Variants in TSPAN3 observed in about 807,000 individuals in gnomAD.
The protein encoded by TSPAN3 is tetraspanin 3.
In TSPAN3, 9 loss-of-function variants were observed where a neutral mutation model predicts 31.1. That is an observed-to-expected ratio of 0.29 (90% CI 0.17 to 0.50). The LOEUF (loss-of-function observed/expected upper bound fraction) is 0.50. TSPAN3 is among the 20% of genes least tolerant of loss of function. The pLI, the probability that TSPAN3 is intolerant of heterozygous loss-of-function variation, is 0.98. For missense variants in TSPAN3, 252 were observed against 313.5 expected (o/e 0.80, Z 1.48); for synonymous variants, 129 against 114.3 (o/e 1.13, Z -0.82).
At chr15:77,059,076 T>C (rs1326435425) in intron 1 of TSPAN3, among the ~76,000 whole-genome samples, 1 of 151,468 alleles carries the variant, frequency 6.6e-6, no homozygotes, top group Non-Finnish European at 1.5e-5. Flanking sequence ...TTTATCTTAA[T>C]TTTATTTTAT....
intron 4 of TSPAN3, among the ~76,000 whole-genome samples, chr15:77,053,229 C>G (rs897743298): frequency 6.6e-6 from 1 of 151,924 alleles, no homozygotes; most frequent in Non-Finnish European, 1.5e-5. Context: ...GGTGCAGTGG[C>G]TCACGCCTGT....
rs936436996 is a variant in TSPAN3, at chr15:77,043,232, CTCT to C, written c.*3600_*3602del. On this transcript the variant is annotated 3_prime_UTR_variant, in exon 7 of 7. Transcript: ENST00000267970. ...AGGTCTCTCCACCTTGGGGAACCTC[CTCT>C]GAGTTTCCACGTTCCTTCTCTGTTT... 30 of 152,416 alleles carry C rather than the reference CTCT, an allele frequency of 2.0e-4. No individual in the cohort carries two copies. The highest frequency in any genetic ancestry group is 6.7e-4 in the African/African-American group (28 of 41,556). The allele number at this position is 152,416 out of a possible 1,614,324, so 9.4% of individuals were successfully genotyped here.
rs187185084 is a variant in TSPAN3 at position 77,056,361 on chromosome 15, A to G, written c.64-106T>C. On this transcript the variant is annotated intron_variant, in intron 1 of 6. Coordinates refer to ENST00000267970, the MANE Select transcript of TSPAN3 (RefSeq NM_005724.6). ...ATGAGAGTTACCGTAACTGTTATAG[A>G]CTTTTTTCAGTAAAGCTGAAAATTC... The G allele has an allele frequency of 3.4e-5, 29 of 850,572 alleles. 1 individual carries two copies. In the East Asian group the frequency reaches 7.3e-4, roughly 21 times the overall value. 52.7% of individuals were successfully genotyped at this position (850,572 alleles called of 1,614,324 possible).
chr15:77,070,958 G>T lies in TSPAN3; in HGVS notation c.-4C>A. 7.0e-7 allele frequency: 1 copy of T among 1,430,936 alleles called. No homozygotes were observed. Among genetic ancestry groups the T allele is most frequent in the Non-Finnish European group, 9.2e-7 (1 of 1,084,942 alleles). 88.6% of individuals were successfully genotyped at this position (1,430,936 alleles called of 1,614,324 possible). On this transcript the variant is annotated 5_prime_UTR_variant, in exon 1 of 7. Transcript: ENST00000267970. ...AGGTGATGCCGCACTGGCCCATGGC[G>T]CCGGTGGCCCGCGAAGGCCCGGCCC...
rs1179391527 is a variant in TSPAN3 at position 77,051,538 on chromosome 15, A to AAAAAG, written c.669+842_669+846dup. On this transcript the variant is annotated intron_variant, in intron 6 of 6. Transcript: ENST00000267970. The stretch of plus-strand genomic sequence containing the variant: ...AGCAAAACTCTGTCGTAAAAAAAAA[A>AAAAAG]AAAAGAAAAGAAAAGAAAAGAAAGC... Among the ~76,000 whole-genome samples, 590 of 151,472 alleles carry AAAAAG rather than the reference A, an allele frequency of 3.9e-3. 6 individuals are homozygous for AAAAAG. The highest frequency in any genetic ancestry group is 6.4e-3 in the East Asian group (33 of 5,162).
chr15:77,060,690 G>A (rs1007998826), intron 1 of TSPAN3, among the ~76,000 whole-genome samples: 8 of 152,070 alleles, frequency 5.3e-5, no homozygotes, highest in Non-Finnish European at 1.0e-4. Flanking sequence ...CAATAAAGCA[G>A]CTGCAAAGGA....
chr15:77,045,798 G>A lies in TSPAN3; in HGVS notation c.*1037C>T, dbSNP rs2076687114. The A allele has an allele frequency of 6.6e-6, 1 of 152,200 alleles. No homozygotes were observed. Among genetic ancestry groups the A allele is most frequent in the South Asian group, 2.1e-4 (1 of 4,832 alleles). 9.4% of individuals were successfully genotyped at this position (152,200 alleles called of 1,614,324 possible). A position where few individuals can be genotyped will look rare whatever the true frequency, so the allele number is the denominator to read the frequency against. On this transcript the variant is annotated 3_prime_UTR_variant, in exon 7 of 7. Transcript: ENST00000267970. The stretch of plus-strand genomic sequence containing the variant: ...TCCGAACTCCTTGAAGACAAGGACA[G>A]TATCGCCACTGTATCCCCAGTGCAT...
intron 6 of TSPAN3, 116 bp downstream of exon 6, chr15:77,052,269 C>T: frequency 1.2e-6 from 1 of 854,114 alleles, no homozygotes; most frequent in Non-Finnish European, 1.9e-6. Context: ...GTACCTCAGT[C>T]ACTTCCACAT....
At chr15:77,066,070 A>C (rs1216309637) in intron 1 of TSPAN3, among the ~76,000 whole-genome samples, 1 of 152,220 alleles carries the variant, frequency 6.6e-6, no homozygotes, top group Non-Finnish European at 1.5e-5. Flanking sequence ...TAGGGTTTAA[A>C]AAAAAAGTAA....
At chr15:77,070,110 TGATGA>T (rs1403527686) in intron 1 of TSPAN3, 3 of 152,220 alleles carry the variant, frequency 2.0e-5, no homozygotes, top group African/African-American at 7.2e-5. Context: ...TAAAAGTCCC[TGATGA>T]GATAAGGACC....
In TSPAN3 at chr15:77,052,366, C is replaced by T; in HGVS notation, c.669+19G>A. 1 of 1,612,728 alleles carries T rather than the reference C, an allele frequency of 6.2e-7. No individual in the cohort carries two copies. Among genetic ancestry groups the T allele is most frequent in the South Asian group, 1.1e-5 (1 of 91,034 alleles). ...GAACCAACTCACTCCGATAGAACTC[C>T]TTGGCAAGCTGTGCTTACCTGAATA... On this transcript the variant is annotated intron_variant, in intron 6 of 6. Transcript: ENST00000267970.
rs930805285 is a variant in TSPAN3 at position 77,044,356 on chromosome 15, G to C, written c.*2479C>G. The C allele has an allele frequency of 6.6e-6, 1 of 152,270 alleles. No individual in the cohort carries two copies. The highest frequency in any genetic ancestry group is 2.4e-5 in the African/African-American group (1 of 41,462). 9.4% of individuals were successfully genotyped at this position (152,270 alleles called of 1,614,324 possible). On this transcript the variant is annotated 3_prime_UTR_variant, in exon 7 of 7. Transcript: ENST00000267970. ...CAACACCTAGCCTCAGCTACACGGG[G>C]GAAGGGCAGAAACAAGATGTTGAAT...
At chr15:77,068,244 C>T (rs2076845728) in intron 1 of TSPAN3, 1 of 152,176 alleles carries the variant, frequency 6.6e-6, no homozygotes, top group South Asian at 2.1e-4. Flanking sequence ...TCACAGCTCA[C>T]AAAAACTTTA....
intron 6 of TSPAN3, among the ~76,000 whole-genome samples, chr15:77,050,418 A>G (rs1782902289): frequency 6.6e-6 from 1 of 152,216 alleles, no homozygotes; most frequent in Non-Finnish European, 1.5e-5. Flanking sequence ...TAAGTATAAA[A>G]CACATATGGC....
intron 3 of TSPAN3, 38 bp from the exon 4 acceptor site, chr15:77,054,317 T>G: frequency 7.2e-7 from 1 of 1,396,284 alleles, no homozygotes; most frequent in Non-Finnish European, 1.0e-6. Flanking sequence ...TCAAAAATAC[T>G]AGTAAAAGTA....
intron 6 of TSPAN3, among the ~76,000 whole-genome samples, chr15:77,048,998 TTCATAG>T (rs779556230): frequency 6.6e-6 from 1 of 152,168 alleles, no homozygotes; most frequent in Non-Finnish European, 1.5e-5. Context: ...ATACTGTAAT[TTCATAG>T]TTACAAATTT....
Position 77,070,956 on chromosome 15 carries a change from G to C in TSPAN3, c.-2C>G. 1 of 1,433,980 alleles carries C rather than the reference G, an allele frequency of 7.0e-7. No individual in the cohort carries two copies. Among genetic ancestry groups the C allele is most frequent in the Non-Finnish European group, 9.2e-7 (1 of 1,086,704 alleles). The allele number at this position is 1,433,980 out of a possible 1,614,324, so 88.8% of individuals were successfully genotyped here. A position where few individuals can be genotyped will look rare whatever the true frequency, so the allele number is the denominator to read the frequency against. ...GGAGGTGATGCCGCACTGGCCCATG[G>C]CGCCGGTGGCCCGCGAAGGCCCGGC... On this transcript the variant is annotated 5_prime_UTR_variant, in exon 1 of 7. Coordinates refer to ENST00000267970, the MANE Select transcript of TSPAN3 (RefSeq NM_005724.6).
rs535712638 is a variant in TSPAN3, at chr15:77,046,068, T to C, written c.*767A>G. 4.8e-6 allele frequency: 1 copy of C among 208,382 alleles called. No homozygotes were observed. Among genetic ancestry groups the C allele is most frequent in the East Asian group, 1.0e-4 (1 of 9,822 alleles). 12.9% of individuals were successfully genotyped at this position (208,382 alleles called of 1,614,324 possible). ...GAGTTTATTGAATTAGATTTTTCTA[T>C]TTACAACTGAGATCACATCTACATA... On this transcript the variant is annotated 3_prime_UTR_variant, in exon 7 of 7. Transcript: ENST00000267970.
rs1001853840 is a variant in TSPAN3, at chr15:77,057,157, G to C, written c.64-902C>G. ...CGCTATTGTCAATTTTGCTATCTTT[G>C]GGTACCAGCTCTGTGCTGACAGCCC... On this transcript the variant is annotated intron_variant, in intron 1 of 6. Coordinates refer to ENST00000267970, the MANE Select transcript of TSPAN3 (RefSeq NM_005724.6). Among the ~76,000 whole-genome samples, 8 of 152,244 alleles carry C rather than the reference G, an allele frequency of 5.3e-5. No individual in the cohort carries two copies. The East Asian group carries it at 9.6e-4, about 18-fold the overall frequency.
Sources: gnomAD v4.1 joint callset for allele counts (sites outside exome capture counted in the v4.1 genomes callset) on GRCh38, gnomAD v4.1.1 for gene constraint, MANE v1.5 for transcripts, NCBI Gene and HGNC (gene_info 2026-07-23, HGNC 2026-07-21) for gene names.